CD9: variants seen among roughly 807,000 people sequenced by gnomAD.
The protein encoded by CD9 is CD9 molecule, also known as CD9 antigen.
A neutral mutation model predicts 31.4 loss-of-function variants in CD9; 10 were observed. The ratio of observed to expected loss-of-function variants is 0.32; its 90% confidence interval spans 0.20 to 0.54. The LOEUF (loss-of-function observed/expected upper bound fraction) is 0.54, where lower values mean the gene tolerates loss of function less well. Among genes scored for constraint, CD9 ranks in the 20% least tolerant of loss-of-function variants. CD9 has a pLI of 0.94. For missense variants in CD9, 259 were observed against 300.1 expected (o/e 0.86, Z 1.01); for synonymous variants, 113 against 114.1 (o/e 0.99, Z 0.06).
chr12:6,223,050 G>A (rs1008739200), intron 1 of CD9, among the ~76,000 whole-genome samples: 5 of 152,212 alleles, frequency 3.3e-5, no homozygotes, highest in Non-Finnish European at 7.3e-5. Flanking sequence ...CTCCCTATGC[G>A]CGCAAGAGCA....
chr12:6,214,964 T>C (rs553094679), intron 1 of CD9, among the ~76,000 whole-genome samples: 58 of 152,006 alleles, frequency 3.8e-4, no homozygotes, highest in Non-Finnish European at 6.9e-4. Flanking sequence ...CAGCACAGAG[T>C]TGTCCAGCCG....
chr12:6,224,251 C>T (rs766091784), intron 1 of CD9, among the ~76,000 whole-genome samples: 2 of 152,204 alleles, frequency 1.3e-5, no homozygotes, highest in African/African-American at 2.4e-5. Context: ...ATCTCACAAT[C>T]CCTGCTTTAC....
chr12:6,220,758 A>C (rs144316966), intron 1 of CD9, among the ~76,000 whole-genome samples: 1 of 152,278 alleles, frequency 6.6e-6, no homozygotes, highest in East Asian at 1.9e-4. Flanking sequence ...ATCTACAGAA[A>C]AGTTGCAGAG....
intron 1 of CD9, among the ~76,000 whole-genome samples, chr12:6,201,532 A>G (rs1946077600): frequency 6.6e-6 from 1 of 152,212 alleles, no homozygotes; most frequent in Admixed American, 6.5e-5. Context: ...CTCCAGAGAC[A>G]CCTGCTGCAG....
chr12:6,206,508 G>C (rs1349156410), intron 1 of CD9, among the ~76,000 whole-genome samples: 2 of 152,170 alleles, frequency 1.3e-5, no homozygotes, highest in Non-Finnish European at 2.9e-5. Flanking sequence ...ACAGGAATGA[G>C]CCACCGCGCC....
chr12:6,234,489 T>C lies in CD9; in HGVS notation c.349-740T>C, dbSNP rs535633235. 5 of 148,904 alleles carry C rather than the reference T, an allele frequency of 3.4e-5. No individual in the cohort carries two copies. The South Asian group carries it at 6.3e-4, about 19-fold the overall frequency. 9.2% of individuals were successfully genotyped at this position (148,904 alleles called of 1,614,324 possible). On this transcript the variant is annotated intron_variant, in intron 4 of 7. Transcript: ENST00000009180. ...TCTGTTTAAAAAAAAAAAAAAAACA[T>C]GTCTGTAAGCAATAACAGCTACAGC...
rs762723208 is a variant in CD9, at chr12:6,233,481, G to A, written c.343G>A (p.Asp115Asn). 1.2e-6 allele frequency: 2 copies of A among 1,612,648 alleles called. No homozygotes were observed. Among genetic ancestry groups the A allele is most frequent in the Non-Finnish European group, 1.7e-6 (2 of 1,178,680 alleles). ...GGCCATCTGGGGATATTCCCACAAG[G>A]ATGAGGTAGGTTTTTCCCATGAGAT... ...AAAIWGYSHK[D>N]EVIKEVQEFY... Residue 115 changes from aspartate to asparagine, a missense_variant, in exon 4 of 8, where the codon GAT (aspartate) becomes AAT (asparagine). Transcript: ENST00000009180.
chr12:6,209,775 C>G (rs1946173658), intron 1 of CD9, among the ~76,000 whole-genome samples: 1 of 151,132 alleles, frequency 6.6e-6, no homozygotes, highest in Non-Finnish European at 1.5e-5. Context: ...ACCTCTGCCT[C>G]CTGGGTTCAA....
intron 4 of CD9, 40 bp from the exon 5 acceptor site, chr12:6,235,189 A>G (rs1439324170): frequency 1.4e-6 from 2 of 1,402,112 alleles, no homozygotes; most frequent in Admixed American, 3.5e-5. Flanking sequence ...GGAAGATGTG[A>G]AAATGCCGTC....
chr12:6,236,357 A>C, intron 7 of CD9, 82 bp downstream of exon 7: 1 of 1,228,388 alleles, frequency 8.1e-7, no homozygotes, highest in South Asian at 1.2e-5. Context: ...ACACCGCCGC[A>C]CTCTGTGCAT....
At chr12:6,230,649 C>T (rs1214029934) in intron 2 of CD9, among the ~76,000 whole-genome samples, 2 of 152,222 alleles carry the variant, frequency 1.3e-5, no homozygotes, top group Non-Finnish European at 2.9e-5. Flanking sequence ...CTACTGTCCC[C>T]ATGTGAGAGA....
At chr12:6,223,729 G>C (rs945642735) in intron 1 of CD9, among the ~76,000 whole-genome samples, 1 of 152,070 alleles carries the variant, frequency 6.6e-6, no homozygotes, top group African/African-American at 2.4e-5. Context: ...CCGCCTCCCC[G>C]CCTAAGCTAA....
At chr12:6,225,583 G>A in intron 2 of CD9, 49 bp downstream of exon 2, 1 of 1,273,584 alleles carries the variant, frequency 7.9e-7, no homozygotes, top group Non-Finnish European at 1.1e-6. Flanking sequence ...CTCCAACAAA[G>A]TTCCTGCAAC....
intron 7 of CD9, chr12:6,236,807 G>A (rs4764544): frequency 0.029 from 6,918 of 241,950 alleles, 446 homozygotes; most frequent in Admixed American, 0.16. Flanking sequence ...CGCTGGGATG[G>A]CCTTGGCTCA....
chr12:6,235,618 C>T, intron 6 of CD9, 53 bp downstream of exon 6: 2 of 1,541,380 alleles, frequency 1.3e-6, no homozygotes, highest in Non-Finnish European at 1.8e-6. Context: ...CTGGACAAAC[C>T]CTGCAAGCAT....
intron 2 of CD9, among the ~76,000 whole-genome samples, chr12:6,228,557 T>TCAAA (rs1946398655): frequency 2.5e-5 from 1 of 39,400 alleles, no homozygotes; most frequent in Non-Finnish European, 4.1e-5. Context: ...GGACTCCATC[T>TCAAA]CAAAAAAAAA....
At chr12:6,218,786 G>A (rs1452227592) in intron 1 of CD9, among the ~76,000 whole-genome samples, 1 of 152,156 alleles carries the variant, frequency 6.6e-6, no homozygotes, top group Admixed American at 6.5e-5. Flanking sequence ...TCTCAGTGGT[G>A]AGTGGGTGTG....
Position 6,232,876 on chromosome 12 carries a change from C to T in CD9, c.273+147C>T, listed in dbSNP as rs1565428907. ...CATGAGCTGTCCTCAGCCTGGGCCC[C>T]TCCCCGATGTGAGGCGTCGCCCCTC... On this transcript the variant is annotated intron_variant, in intron 3 of 7. Transcript: ENST00000009180. The surrounding 1 kb of genome is among the most constrained non-coding windows in gnomAD (Gnocchi z 4.8). 1 of 710,758 alleles carries T rather than the reference C, an allele frequency of 1.4e-6. No individual in the cohort carries two copies. Among genetic ancestry groups the T allele is most frequent in the Admixed American group, 2.0e-5 (1 of 49,970 alleles). The allele number at this position is 710,758 out of a possible 1,614,324, so 44.0% of individuals were successfully genotyped here. A position where few individuals can be genotyped will look rare whatever the true frequency, so the allele number is the denominator to read the frequency against.
chr12:6,214,150 T>C (rs916551528), intron 1 of CD9, among the ~76,000 whole-genome samples: 1 of 152,058 alleles, frequency 6.6e-6, no homozygotes, highest in Non-Finnish European at 1.5e-5. Flanking sequence ...TTTGAGTCAG[T>C]TGCTTAAAAT....
Sources: gnomAD v4.1 joint callset for allele counts (sites outside exome capture counted in the v4.1 genomes callset) on GRCh38, gnomAD v4.1.1 for gene constraint, Gnocchi (gnomAD v3.1) non-coding constraint, MANE v1.5 for transcripts, NCBI Gene and HGNC (gene_info 2026-07-23, HGNC 2026-07-21) for gene names.